Variants in ARL15 observed in about 807,000 individuals in gnomAD.
ARL15 encodes the protein ADP-ribosylation factor-like protein 15.
A neutral mutation model predicts 25.2 loss-of-function variants in ARL15; 19 were observed. That is an observed-to-expected ratio of 0.75 (90% CI 0.53 to 1.10). The LOEUF (loss-of-function observed/expected upper bound fraction) is 1.10. Among genes scored for constraint, ARL15 ranks in the 50% least tolerant of loss-of-function variants. The pLI, the probability that ARL15 is intolerant of heterozygous loss-of-function variation, is 0.00. For synonymous variants in ARL15, 94 were observed against 86.8 expected (o/e 1.08, Z -0.46); for missense variants, 220 against 246.0 (o/e 0.89, Z 0.71).
chr5:54,085,295 T>C (rs1406015368), intron 4 of ARL15, among the ~76,000 whole-genome samples: 1 of 152,246 alleles, frequency 6.6e-6, no homozygotes, highest in Non-Finnish European at 1.5e-5. Context: ...TATAAGTCTA[T>C]TTATTTTATT....
chr5:54,268,923 G>C (rs1757702922), intron 1 of ARL15, among the ~76,000 whole-genome samples: 1 of 152,132 alleles, frequency 6.6e-6, no homozygotes, highest in Admixed American at 6.6e-5. Flanking sequence ...CCTTTCTAGG[G>C]ACATGGATGA....
At chr5:54,123,541 T>C (rs1753155773) in intron 3 of ARL15, among the ~76,000 whole-genome samples, 1 of 152,202 alleles carries the variant, frequency 6.6e-6, no homozygotes, top group South Asian at 2.1e-4. Flanking sequence ...TTAAAGAGGA[T>C]GCTAGTAACA....
At chr5:53,962,004 C>G (rs1747388147) in intron 4 of ARL15, among the ~76,000 whole-genome samples, 1 of 152,100 alleles carries the variant, frequency 6.6e-6, no homozygotes, top group Non-Finnish European at 1.5e-5. Context: ...TAGGTTATTC[C>G]CAGTTTGTTA....
At chr5:54,152,846 C>G (rs1217001033) in intron 3 of ARL15, among the ~76,000 whole-genome samples, 1 of 152,274 alleles carries the variant, frequency 6.6e-6, no homozygotes, top group East Asian at 1.9e-4. Flanking sequence ...CAGACCTATT[C>G]CCACCTTATG....
intron 4 of ARL15, among the ~76,000 whole-genome samples, chr5:53,989,010 C>T (rs1561178473): frequency 6.6e-6 from 1 of 152,232 alleles, no homozygotes; most frequent in East Asian, 1.9e-4. Context: ...ATCTGCAAGG[C>T]TGATGGGCTA....
chr5:54,240,308 AG>A (rs1283099676), intron 1 of ARL15, among the ~76,000 whole-genome samples: 5 of 151,400 alleles, frequency 3.3e-5, no homozygotes, highest in African/African-American at 1.2e-4. Flanking sequence ...TTGGCTCAAA[AG>A]GTGTCATTAA....
chr5:53,908,776 G>C (rs1176431497), intron 4 of ARL15, among the ~76,000 whole-genome samples: 1 of 152,186 alleles, frequency 6.6e-6, no homozygotes, highest in Non-Finnish European at 1.5e-5. Context: ...CTACAAACCA[G>C]ATGACTTCCC....
chr5:54,209,597 AT>A (rs1755977287), intron 1 of ARL15, among the ~76,000 whole-genome samples: 1 of 152,168 alleles, frequency 6.6e-6, no homozygotes, highest in Admixed American at 6.5e-5. Context: ...CCCTTATACT[AT>A]TAGAAAATGT....
At chr5:53,894,588 G>A (rs1036947820) in intron 4 of ARL15, among the ~76,000 whole-genome samples, 1 of 152,104 alleles carries the variant, frequency 6.6e-6, no homozygotes, top group Non-Finnish European at 1.5e-5. Flanking sequence ...CACTATGAGA[G>A]GCACAGTTAT....
intron 1 of ARL15, among the ~76,000 whole-genome samples, chr5:54,203,801 A>C (rs936098698): frequency 6.6e-6 from 1 of 152,188 alleles, no homozygotes; most frequent in African/African-American, 2.4e-5. Context: ...AGGAAAACCA[A>C]GAACAAAAAG....
At position 53,980,144 on chromosome 5, in the gene ARL15, T is replaced by C. The variant is rs115349035; in HGVS notation, c.463-93431A>G. 4.9e-3 allele frequency among the ~76,000 whole-genome samples: 739 copies of C among 152,286 alleles called. 4 individuals are homozygous for C. The highest frequency in any genetic ancestry group is 8.6e-3 in the Admixed American group (132 of 15,304). ...CTTTTTGCTTTCCTTATGTATCTTC[T>C]CCAACACCTATTTTGCAAAAATACC... On this transcript the variant is annotated intron_variant, in intron 4 of 4. Coordinates refer to ENST00000504924, the MANE Select transcript of ARL15 (RefSeq NM_019087.3).
Position 54,256,413 on chromosome 5 carries a change from TAAAAAAAA to T in ARL15, c.48+54011_48+54018del, listed in dbSNP as rs35505658. ...TACACACAGCAAGATCGAATCAGTTTAAAAAAAAAAAAAAAAAAAAGCCAACAAAAAAA... is the reference window on the plus strand; with the variant it reads ...TACACACAGCAAGATCGAATCAGTTTAAAAAAAAAAAAGCCAACAAAAAAA... On this transcript the variant is annotated intron_variant, in intron 1 of 4. Coordinates refer to ENST00000504924, the MANE Select transcript of ARL15 (RefSeq NM_019087.3). Among the ~76,000 whole-genome samples, 2 of 99,484 alleles carry T rather than the reference TAAAAAAAA, an allele frequency of 2.0e-5. 1 individual carries two copies. The highest frequency in any genetic ancestry group is 7.4e-4 in the South Asian group (2 of 2,714). 65.3% of individuals were successfully genotyped at this position (99,484 alleles called of 152,430 possible).
chr5:54,194,749 T>G (rs914215602), intron 1 of ARL15, among the ~76,000 whole-genome samples: 5 of 152,156 alleles, frequency 3.3e-5, no homozygotes, highest in African/African-American at 1.2e-4. Context: ...ACACTAATAT[T>G]TATAGATTAA....
chr5:54,057,455 C>A (rs1290539488), intron 4 of ARL15, among the ~76,000 whole-genome samples: 6 of 152,174 alleles, frequency 3.9e-5, no homozygotes, highest in Admixed American at 3.3e-4. Context: ...CCATCATGTT[C>A]TTTTCCTTAG....
chr5:54,042,252 A>G (rs539412002), intron 4 of ARL15, among the ~76,000 whole-genome samples: 1 of 152,322 alleles, frequency 6.6e-6, no homozygotes, highest in East Asian at 1.9e-4. Flanking sequence ...TACAGGCGTG[A>G]GCCACCGCAC....
chr5:54,110,675 T>C (rs566174114), intron 4 of ARL15, among the ~76,000 whole-genome samples: 37 of 152,172 alleles, frequency 2.4e-4, no homozygotes, highest in African/African-American at 8.7e-4. Context: ...GGGCACAGGA[T>C]GTGCAACACC....
chr5:54,199,515 T>G (rs1755651662), intron 1 of ARL15, among the ~76,000 whole-genome samples: 1 of 152,012 alleles, frequency 6.6e-6, no homozygotes, highest in African/African-American at 2.4e-5. Context: ...AAAGAAGATA[T>G]TTATGCAGCC....
chr5:53,951,684 A>G, intron 4 of ARL15: 2 of 395,846 alleles, frequency 5.1e-6, no homozygotes, highest in Non-Finnish European at 9.9e-6. Flanking sequence ...ATATCAGTAA[A>G]TAAATATATT....
intron 4 of ARL15, among the ~76,000 whole-genome samples, chr5:53,915,742 C>T (rs1745621386): frequency 6.6e-6 from 1 of 151,740 alleles, no homozygotes; most frequent in South Asian, 2.1e-4. Flanking sequence ...CAAATTTACC[C>T]TTTTTCTTTA....
Sources: gnomAD v4.1 joint callset for allele counts (sites outside exome capture counted in the v4.1 genomes callset) on GRCh38, gnomAD v4.1.1 for gene constraint, MANE v1.5 for transcripts, NCBI Gene and HGNC (gene_info 2026-07-23, HGNC 2026-07-21) for gene names.